Variants in GPHN observed in about 807,000 individuals in gnomAD.
GPHN encodes gephyrin.
In GPHN, 17 loss-of-function variants were observed where a neutral mutation model predicts 95.5. That is an observed-to-expected ratio of 0.18 (90% CI 0.12 to 0.27). The LOEUF (loss-of-function observed/expected upper bound fraction) is 0.27. Ranked by LOEUF, GPHN falls within the 10% of genes least tolerant of loss-of-function variation. GPHN has a pLI of 1.00. For synonymous variants in GPHN, 320 were observed against 322.5 expected, an observed-to-expected ratio of 0.99 and a Z score of 0.08; for missense variants, 660 against 978.1, an observed-to-expected ratio of 0.67 and a Z score of 4.34.
chr14:67,365,071 T>C, the GPHN span: 70 of 1,478,716 alleles, frequency 4.7e-5, no homozygotes, highest in Middle Eastern at 3.6e-4. Flanking sequence ...TAAAAATACA[T>C]TTTTTGTAAA....
intron 1 of GPHN, among the ~76,000 whole-genome samples, chr14:66,675,444 C>T (rs8011962): frequency 0.32 from 47,883 of 151,988 alleles, 11,533 homozygotes; most frequent in African/African-American, 0.65. Flanking sequence ...GCTCCCGGCC[C>T]CTTTTTCCAG....
At chr14:66,983,538 G>A (rs1356383495) in intron 9 of GPHN, among the ~76,000 whole-genome samples, 2 of 152,054 alleles carry the variant, frequency 1.3e-5, no homozygotes, top group African/African-American at 4.8e-5. Context: ...TTGAATTGTA[G>A]CCATTTCTGG....
the GPHN span, among the ~76,000 whole-genome samples, chr14:67,697,294 G>C: frequency 6.6e-5 from 10 of 152,196 alleles, no homozygotes; most frequent in Non-Finnish European, 1.2e-4. Flanking sequence ...TTCTAGATCA[G>C]GAGAGGCTTA....
At chr14:67,010,501 G>A (rs2072920455) in intron 9 of GPHN, among the ~76,000 whole-genome samples, 3 of 147,404 alleles carry the variant, frequency 2.0e-5, no homozygotes, top group Admixed American at 1.4e-4. Flanking sequence ...GCAGTGAGCC[G>A]AGATCATGCC....
the GPHN span, among the ~76,000 whole-genome samples, chr14:67,250,671 A>G: frequency 3.3e-5 from 5 of 152,230 alleles, no homozygotes; most frequent in African/African-American, 1.2e-4. Flanking sequence ...GATCCAGGTG[A>G]TTCATCGACT....
At chr14:67,541,759 C>A in the GPHN span, 2 of 1,033,296 alleles carry the variant, frequency 1.9e-6, no homozygotes, top group Non-Finnish European at 1.4e-6. Context: ...CTTTGGTCCC[C>A]TCCCGTTCTT....
the GPHN span, among the ~76,000 whole-genome samples, chr14:67,220,140 C>G: frequency 3.7e-4 from 56 of 152,110 alleles, no homozygotes; most frequent in African/African-American, 1.3e-3. Flanking sequence ...CTTTGGAACA[C>G]TGATAAAAAA....
At chr14:66,729,024 T>G (rs1047800708) in intron 2 of GPHN, among the ~76,000 whole-genome samples, 1 of 152,156 alleles carries the variant, frequency 6.6e-6, no homozygotes, top group Non-Finnish European at 1.5e-5. Flanking sequence ...GTTCTTGTGA[T>G]AGTGAATAAG....
chr14:67,414,422 G>A, the GPHN span, among the ~76,000 whole-genome samples: 1 of 152,214 alleles, frequency 6.6e-6, no homozygotes, highest in Non-Finnish European at 1.5e-5. Context: ...CTCACCCATA[G>A]GGAAGAGGAT....
At chr14:67,486,474 C>T in the GPHN span, among the ~76,000 whole-genome samples, 1 of 152,184 alleles carries the variant, frequency 6.6e-6, no homozygotes, top group Non-Finnish European at 1.5e-5. Context: ...GGGGTTTCAC[C>T]ATGTTGGCCA....
At chr14:67,724,645 A>C in the GPHN span, 1 of 1,311,170 alleles carries the variant, frequency 7.6e-7, no homozygotes, top group Non-Finnish European at 1.1e-6. Context: ...CCTTCTTCCC[A>C]CTGGGGCCTC....
chr14:67,292,826 T>C, the GPHN span: 1 of 767,732 alleles, frequency 1.3e-6, no homozygotes, highest in Non-Finnish European at 2.1e-6. Flanking sequence ...TTTGAATTAA[T>C]TACTGTTAAT....
At chr14:67,572,403 C>G in the GPHN span, 4 of 337,466 alleles carry the variant, frequency 1.2e-5, no homozygotes, top group South Asian at 1.3e-4. Flanking sequence ...GGGATGGGGG[C>G]AGGGGGCGTG....
At chr14:66,515,897 C>G (rs1160796514) in intron 1 of GPHN, among the ~76,000 whole-genome samples, 2 of 152,150 alleles carry the variant, frequency 1.3e-5, no homozygotes, top group East Asian at 3.8e-4. Context: ...AATATTGACA[C>G]ATTCATGCTT....
the GPHN span, among the ~76,000 whole-genome samples, chr14:67,194,251 C>CTTTTTG: frequency 4.0e-5 from 6 of 151,500 alleles, no homozygotes; most frequent in Admixed American, 3.3e-4. Flanking sequence ...GTGGTCCCAA[C>CTTTTTG]TACTCGGGAG....
At chr14:66,843,191 C>T (rs2062165716) in intron 4 of GPHN, among the ~76,000 whole-genome samples, 1 of 152,106 alleles carries the variant, frequency 6.6e-6, no homozygotes, top group South Asian at 2.1e-4. Flanking sequence ...TTGCATTCTT[C>T]ACTCACTGGT....
chr14:66,869,291 C>CT (rs1347399443), intron 4 of GPHN, among the ~76,000 whole-genome samples: 1 of 152,174 alleles, frequency 6.6e-6, no homozygotes, highest in Non-Finnish European at 1.5e-5. Flanking sequence ...ATTGTACTAG[C>CT]ATATGTGATT....
the GPHN span, among the ~76,000 whole-genome samples, chr14:67,556,129 T>C: frequency 6.6e-6 from 1 of 152,214 alleles, no homozygotes; most frequent in African/African-American, 2.4e-5. Context: ...GTCTGAAGTC[T>C]CAGTGGTTTA....
the GPHN span, among the ~76,000 whole-genome samples, chr14:67,700,679 C>T: frequency 1.4e-5 from 2 of 144,748 alleles, no homozygotes; most frequent in African/African-American, 5.2e-5. Context: ...CGCGGCACTG[C>T]ACTCCAGCCT....
Sources: allele counts gnomAD v4.1 joint callset (sites outside exome capture counted in the v4.1 genomes callset), GRCh38; gene constraint gnomAD v4.1.1; transcripts MANE v1.5; gene names NCBI Gene and HGNC (gene_info 2026-07-23, HGNC 2026-07-21).